ZMYM2: variants seen among roughly 807,000 people sequenced by gnomAD.
ZMYM2 encodes the protein zinc finger MYM-type protein 2.
A neutral mutation model predicts 162.8 loss-of-function variants in ZMYM2; 56 were observed. The ratio of observed to expected loss-of-function variants is 0.34; its 90% CI spans 0.28 to 0.43. The LOEUF (loss-of-function observed/expected upper bound fraction) is 0.43, where lower values mean the gene tolerates loss of function less well. Among genes scored for constraint, ZMYM2 ranks in the 20% least tolerant of loss-of-function variants. The pLI is 1.00. For missense variants in ZMYM2, 1,275 were observed against 1,621.8 expected, an observed-to-expected ratio of 0.79 and a Z score of 3.67; for synonymous variants, 510 against 541.6, an observed-to-expected ratio of 0.94 and a Z score of 0.81.
At chr13:20,000,322 G>C (rs907794042) in intron 3 of ZMYM2, among the ~76,000 whole-genome samples, 1 of 152,206 alleles carries the variant, frequency 6.6e-6, no homozygotes, top group Non-Finnish European at 1.5e-5. Flanking sequence ...TAACATAAAC[G>C]TGCAAGGTGA....
At chr13:19,968,625 A>T (rs1956022265) in intron 2 of ZMYM2, among the ~76,000 whole-genome samples, 1 of 152,158 alleles carries the variant, frequency 6.6e-6, no homozygotes, top group Non-Finnish European at 1.5e-5. Context: ...AGCTCTTACT[A>T]TGCTTTTAAC....
intron 21 of ZMYM2, among the ~76,000 whole-genome samples, chr13:20,069,784 A>G (rs1267315133): frequency 6.6e-6 from 1 of 151,714 alleles, no homozygotes; most frequent in Non-Finnish European, 1.5e-5. Flanking sequence ...TCTTTTTTTA[A>G]CGATAATTTA....
At chr13:20,053,868 G>A (rs371455376) in intron 14 of ZMYM2, among the ~76,000 whole-genome samples, 9 of 152,176 alleles carry the variant, frequency 5.9e-5, no homozygotes, top group South Asian at 2.1e-4. Flanking sequence ...TTGGAAGTAC[G>A]TAAAGTATTC....
intron 3 of ZMYM2, among the ~76,000 whole-genome samples, chr13:19,996,315 T>C (rs1403057131): frequency 6.6e-6 from 1 of 152,094 alleles, no homozygotes; most frequent in Non-Finnish European, 1.5e-5. Flanking sequence ...GCATGGTGGC[T>C]CATGCCTGTC....
intron 12 of ZMYM2, among the ~76,000 whole-genome samples, chr13:20,048,486 G>C (rs1343402966): frequency 2.0e-5 from 3 of 151,912 alleles, no homozygotes. Flanking sequence ...GTATTGAGAA[G>C]TCATAAAGGA....
chr13:19,926,360 ATTT>A, the ZMYM2 span, among the ~76,000 whole-genome samples: 3 of 105,434 alleles, frequency 2.8e-5, no homozygotes, highest in Non-Finnish European at 3.9e-5. Flanking sequence ...AGGACTACTT[ATTT>A]TTTTTTTTTT....
chr13:20,041,027 T>G (rs1954197668), intron 12 of ZMYM2, among the ~76,000 whole-genome samples: 1 of 152,240 alleles, frequency 6.6e-6, no homozygotes, highest in South Asian at 2.1e-4. Flanking sequence ...TGTGATTATG[T>G]GATCAATTTT....
the ZMYM2 span, among the ~76,000 whole-genome samples, chr13:19,941,423 C>A: frequency 6.6e-6 from 1 of 151,822 alleles, no homozygotes; most frequent in Non-Finnish European, 1.5e-5. Context: ...TGGGCAACAC[C>A]CAAAACTGGA....
chr13:19,925,870 C>CAAAAA, the ZMYM2 span, among the ~76,000 whole-genome samples: 1 of 129,042 alleles, frequency 7.7e-6, no homozygotes. Flanking sequence ...GACTCCATCT[C>CAAAAA]AAAAAAAAAA....
chr13:19,906,524 A>ATG, the ZMYM2 span, among the ~76,000 whole-genome samples: 14,015 of 40,618 alleles, frequency 0.35, 821 homozygotes, highest in Admixed American at 0.42. Flanking sequence ...TATATCACAC[A>ATG]TATATATATA....
chr13:19,919,463 A>G, the ZMYM2 span, among the ~76,000 whole-genome samples: 16 of 152,176 alleles, frequency 1.1e-4, no homozygotes, highest in Admixed American at 1.0e-3. Context: ...CATTCCCACC[A>G]GCAATAAATG....
At chr13:19,870,739 G>A in the ZMYM2 span, among the ~76,000 whole-genome samples, 3 of 151,874 alleles carry the variant, frequency 2.0e-5, no homozygotes, top group Non-Finnish European at 4.4e-5. Context: ...CGATTCTTGT[G>A]CCTCAGCCTC....
chr13:19,884,074 TAA>T, the ZMYM2 span, among the ~76,000 whole-genome samples: 1 of 152,142 alleles, frequency 6.6e-6, no homozygotes, highest in African/African-American at 2.4e-5. Context: ...TAAAATTCTT[TAA>T]AAGTTAAGTT....
chr13:20,020,424 T>G (rs1438185043), intron 7 of ZMYM2, among the ~76,000 whole-genome samples: 4 of 151,834 alleles, frequency 2.6e-5, no homozygotes, highest in Non-Finnish European at 4.4e-5. Flanking sequence ...TTAGTAGAGA[T>G]AGGGTTTCTC....
chr13:20,023,633 G>A (rs1050790909), intron 7 of ZMYM2, among the ~76,000 whole-genome samples: 1 of 151,876 alleles, frequency 6.6e-6, no homozygotes, highest in African/African-American at 2.4e-5. Flanking sequence ...GAAATTATAC[G>A]TAGGCTTATT....
At chr13:19,910,340 GTTGGTTGGCTGACA>G in the ZMYM2 span, among the ~76,000 whole-genome samples, 1 of 152,262 alleles carries the variant, frequency 6.6e-6, no homozygotes, top group East Asian at 1.9e-4. Context: ...AGTTAGTTAG[GTTGGTTGGCTGACA>G]CATGGACTAT....
the ZMYM2 span, among the ~76,000 whole-genome samples, chr13:19,906,259 G>A: frequency 1.5e-5 from 2 of 131,438 alleles, no homozygotes; most frequent in Non-Finnish European, 3.1e-5. Context: ...TGGGCAACAA[G>A]TGTGAAACTC....
the ZMYM2 span, among the ~76,000 whole-genome samples, chr13:19,898,352 C>G: frequency 6.6e-6 from 1 of 151,820 alleles, no homozygotes; most frequent in African/African-American, 2.4e-5. Flanking sequence ...CCTGCCTCAG[C>G]CTCCCGAGTA....
upstream of ZMYM2, among the ~76,000 whole-genome samples, chr13:19,954,188 GCAC>G (rs1954473250): frequency 8.2e-6 from 1 of 121,430 alleles, no homozygotes; most frequent in Non-Finnish European, 1.6e-5. Flanking sequence ...GAGTGCGGTG[GCAC>G]AATCTCGGCT....
Sources: allele counts gnomAD v4.1 joint callset (sites outside exome capture counted in the v4.1 genomes callset), GRCh38; gene constraint gnomAD v4.1.1; transcripts MANE v1.5; gene names NCBI Gene and HGNC (gene_info 2026-07-23, HGNC 2026-07-21).